ADCY2: variants seen among roughly 807,000 people sequenced by gnomAD.
ADCY2 encodes adenylate cyclase 2, also known as adenylate cyclase type 2.
A neutral mutation model predicts 125.2 loss-of-function variants in ADCY2; 31 were observed. That is an observed-to-expected ratio of 0.25 (90% CI 0.19 to 0.33). The LOEUF (loss-of-function observed/expected upper bound fraction) is 0.33. Among genes scored for constraint, ADCY2 ranks in the 10% least tolerant of loss-of-function variants. ADCY2 has a pLI of 1.00. For missense variants in ADCY2, 904 were observed against 1,418.2 expected (o/e 0.64, Z 5.82); for synonymous variants, 512 against 548.4 (o/e 0.93, Z 0.93).
At chr5:7,663,655 C>T (rs1561152853) in intron 4 of ADCY2, among the ~76,000 whole-genome samples, 1 of 152,212 alleles carries the variant, frequency 6.6e-6, no homozygotes, top group Non-Finnish European at 1.5e-5. Flanking sequence ...GATCATTGAA[C>T]CTTGTTTCTT....
intron 4 of ADCY2, among the ~76,000 whole-genome samples, chr5:7,688,974 G>T (rs1226922098): frequency 6.6e-6 from 1 of 152,190 alleles, no homozygotes; most frequent in Non-Finnish European, 1.5e-5. Context: ...GCGTTTTGGG[G>T]ATTAGTAGCC....
chr5:7,459,948 G>A (rs1003033660), intron 2 of ADCY2, among the ~76,000 whole-genome samples: 8 of 151,240 alleles, frequency 5.3e-5, no homozygotes, highest in South Asian at 2.1e-4. Context: ...CACCACACCC[G>A]GCTAATTTTT....
chr5:7,636,394 A>G (rs1738504641), intron 4 of ADCY2, among the ~76,000 whole-genome samples: 1 of 152,252 alleles, frequency 6.6e-6, no homozygotes, highest in Admixed American at 6.5e-5. Context: ...GCCCTATGGC[A>G]TCATGCTGTG....
intron 3 of ADCY2, among the ~76,000 whole-genome samples, chr5:7,553,862 G>A (rs1735421975): frequency 1.3e-5 from 2 of 152,192 alleles, no homozygotes; most frequent in African/African-American, 4.8e-5. Flanking sequence ...GTGGGACACA[G>A]AGCTAGAAGC....
At chr5:7,557,192 G>GATATATAGATATATATAGATATATAT (rs1204974635) in intron 3 of ADCY2, among the ~76,000 whole-genome samples, 1 of 80,656 alleles carries the variant, frequency 1.2e-5, no homozygotes, top group African/African-American at 3.5e-5. Context: ...TTATATATGT[G>GATATATAGATATATATAGATATATAT]ATATATATAA....
At chr5:7,540,131 AGAACACAT>A (rs1734947465) in intron 3 of ADCY2, among the ~76,000 whole-genome samples, 1 of 152,166 alleles carries the variant, frequency 6.6e-6, no homozygotes, top group African/African-American at 2.4e-5. Flanking sequence ...CAAAATGATG[AGAACACAT>A]GGACACATAG....
chr5:7,773,894 GA>G (rs2126483679), intron 18 of ADCY2, among the ~76,000 whole-genome samples: 1 of 152,280 alleles, frequency 6.6e-6, no homozygotes. Flanking sequence ...TAATCATTAT[GA>G]TACTTTCCAC....
At chr5:7,731,945 A>G (rs1742116166) in intron 14 of ADCY2, among the ~76,000 whole-genome samples, 1 of 152,174 alleles carries the variant, frequency 6.6e-6, no homozygotes, top group African/African-American at 2.4e-5. Context: ...GTTGATAAAT[A>G]TGTGATTCTG....
intron 1 of ADCY2, among the ~76,000 whole-genome samples, chr5:7,408,460 C>T (rs941148213): frequency 1.3e-5 from 2 of 151,606 alleles, no homozygotes; most frequent in Admixed American, 6.6e-5. Context: ...CTCCGCCTCC[C>T]GAGTTCAAGC....
intron 2 of ADCY2, among the ~76,000 whole-genome samples, chr5:7,478,517 C>T (rs1385613268): frequency 6.6e-6 from 1 of 152,128 alleles, no homozygotes; most frequent in Admixed American, 6.5e-5. Context: ...AATGTTGTAT[C>T]TTTGCTGTTT....
At chr5:7,666,469 C>T (rs951714958) in intron 4 of ADCY2, among the ~76,000 whole-genome samples, 2 of 151,944 alleles carry the variant, frequency 1.3e-5, no homozygotes, top group African/African-American at 4.8e-5. Flanking sequence ...GGGGTTTCAC[C>T]GTGTTAGTCA....
chr5:7,674,736 T>C (rs989118354), intron 4 of ADCY2, among the ~76,000 whole-genome samples: 1 of 152,194 alleles, frequency 6.6e-6, no homozygotes, highest in African/African-American at 2.4e-5. Context: ...CACCTCCATC[T>C]TATGCTTAGC....
intron 3 of ADCY2, among the ~76,000 whole-genome samples, chr5:7,570,766 T>G (rs1422609745): frequency 6.6e-6 from 1 of 152,178 alleles, no homozygotes; most frequent in East Asian, 1.9e-4. Context: ...CACAATAAAT[T>G]TATCACAATT....
At chr5:7,398,646 T>G (rs1387096531) in intron 1 of ADCY2, among the ~76,000 whole-genome samples, 1 of 152,184 alleles carries the variant, frequency 6.6e-6, no homozygotes, top group African/African-American at 2.4e-5. Flanking sequence ...TCATGTCTAC[T>G]ATGTGCACCC....
At chr5:7,415,756 G>T (rs1404623681) in intron 2 of ADCY2, among the ~76,000 whole-genome samples, 1 of 152,128 alleles carries the variant, frequency 6.6e-6, no homozygotes, top group Non-Finnish European at 1.5e-5. Flanking sequence ...TTTCTGTAGT[G>T]CTGCTGCTAT....
intron 2 of ADCY2, among the ~76,000 whole-genome samples, chr5:7,459,197 G>A (rs1741819928): frequency 6.6e-6 from 1 of 152,160 alleles, no homozygotes; most frequent in Non-Finnish European, 1.5e-5. Context: ...GCAAATTTAA[G>A]CCACTGTTTC....
At chr5:7,520,099 A>G (rs1470234527) in intron 2 of ADCY2, among the ~76,000 whole-genome samples, 4 of 152,190 alleles carry the variant, frequency 2.6e-5, no homozygotes, top group African/African-American at 7.2e-5. Flanking sequence ...TGCTAGGAAA[A>G]TGATGTTATG....
At chr5:7,695,108 T>C (rs75196198) in intron 5 of ADCY2, among the ~76,000 whole-genome samples, 1 of 152,218 alleles carries the variant, frequency 6.6e-6, no homozygotes, top group Admixed American at 6.5e-5. Context: ...TAGGAAAAGT[T>C]GCAGTGCGCA....
chr5:7,739,657 A>G (rs915901717), intron 14 of ADCY2, among the ~76,000 whole-genome samples: 16 of 151,808 alleles, frequency 1.1e-4, no homozygotes, highest in African/African-American at 3.6e-4. Context: ...TTCCTAAACC[A>G]CTAGCAAGAC....
Sources: allele counts gnomAD v4.1 joint callset (sites outside exome capture counted in the v4.1 genomes callset), GRCh38; gene constraint gnomAD v4.1.1; transcripts MANE v1.5; gene names NCBI Gene and HGNC (gene_info 2026-07-23, HGNC 2026-07-21).